The following NXPE4 variants were observed in gnomAD, a reference collection of about 807,000 sequenced individuals.
NXPE4 encodes the protein neurexophilin and PC-esterase domain family member 4, also known as NXPE family member 4.
In NXPE4, 42 loss-of-function variants were observed where a neutral mutation model predicts 33.3. The observed-to-expected ratio is 1.26, with a 90% CI of 0.98 to 1.63. The LOEUF is 1.63. NXPE4 is among the 40% of genes most tolerant of loss of function. The probability of loss-of-function intolerance (pLI) is 0.00; values close to 1 mark genes in which losing one functional copy is unlikely to be tolerated. For synonymous variants in NXPE4, 253 were observed against 234.9 expected (o/e 1.08, Z -0.71); for missense variants, 709 against 647.6 (o/e 1.09, Z -1.03).
chr11:114,614,973 C>T, the NXPE4 span, among the ~76,000 whole-genome samples: 2 of 150,568 alleles, frequency 1.3e-5, no homozygotes, highest in Admixed American at 1.3e-4. Flanking sequence ...TAAGTATTGC[C>T]TCGTGAGTAA....
Position 114,581,751 on chromosome 11 carries a change from T to C in NXPE4, c.866A>G (p.Asn289Ser), listed in dbSNP as rs1303813198. 1 of 1,611,916 alleles carries C rather than the reference T, an allele frequency of 6.2e-7. No individual in the cohort carries two copies. The highest frequency in any genetic ancestry group is 8.5e-7 in the Non-Finnish European group (1 of 1,179,034). ...GTTGCATTTGGAGACACTAATTGTA[T>C]TGAATTTTTCCATAATCTCTACACC... ...NVGVEIMEKF[N>S]TISVSKCNKE... The change falls in exon 4 of 6, where the codon AAT becomes AGT. Residue 289 changes from asparagine to serine, a missense_variant. Coordinates refer to ENST00000375478, the MANE Select transcript of NXPE4 (RefSeq NM_001077639.2).
the NXPE4 span, among the ~76,000 whole-genome samples, chr11:114,605,527 C>T: frequency 1.2e-4 from 18 of 150,896 alleles, no homozygotes; most frequent in South Asian, 4.2e-4. Context: ...CACAGTTACC[C>T]GGTGGATAAT....
chr11:114,616,854 T>G, the NXPE4 span, among the ~76,000 whole-genome samples: 4 of 151,780 alleles, frequency 2.6e-5, no homozygotes, highest in African/African-American at 9.7e-5. Flanking sequence ...TAATAAATAT[T>G]GCCTCATGGG....
chr11:114,605,605 T>A, the NXPE4 span, among the ~76,000 whole-genome samples: 2 of 152,048 alleles, frequency 1.3e-5, no homozygotes, highest in Admixed American at 1.3e-4. Context: ...TAACCACTGT[T>A]ACCCGGTGGA....
chr11:114,608,831 G>C, the NXPE4 span, among the ~76,000 whole-genome samples: 1 of 151,674 alleles, frequency 6.6e-6, no homozygotes, highest in South Asian at 2.1e-4. Context: ...ACTGTTACCT[G>C]GTGGATAATA....
chr11:114,609,561 C>T, the NXPE4 span, among the ~76,000 whole-genome samples: 1 of 151,800 alleles, frequency 6.6e-6, no homozygotes, highest in African/African-American at 2.4e-5. Flanking sequence ...TGAGTATTGC[C>T]TCCTGGGTAA....
chr11:114,643,204 G>T, the NXPE4 span, among the ~76,000 whole-genome samples: 48 of 152,128 alleles, frequency 3.2e-4, no homozygotes, highest in Non-Finnish European at 6.3e-4. Context: ...CATTCTGTAG[G>T]TTTCCTGTTC....
chr11:114,655,702 G>A, the NXPE4 span, among the ~76,000 whole-genome samples: 270 of 152,262 alleles, frequency 1.8e-3, 2 homozygotes, highest in Middle Eastern at 0.01. Flanking sequence ...TTTGGTAGCA[G>A]TACCATGCTG....
the NXPE4 span, among the ~76,000 whole-genome samples, chr11:114,602,428 G>A: frequency 1.5e-5 from 2 of 130,172 alleles, no homozygotes; most frequent in Non-Finnish European, 3.1e-5. Context: ...ATCAATAAAT[G>A]TAATTATAAT....
the NXPE4 span, among the ~76,000 whole-genome samples, chr11:114,640,156 A>G: frequency 3.3e-4 from 23 of 70,694 alleles, no homozygotes; most frequent in African/African-American, 1.5e-3. Context: ...ATGATATATT[A>G]ATAATATATA....
At chr11:114,601,786 CATGTG>C in the NXPE4 span, among the ~76,000 whole-genome samples, 2 of 56,054 alleles carry the variant, frequency 3.6e-5, no homozygotes, top group South Asian at 1.1e-3. Context: ...AATTATATAA[CATGTG>C]ATATATGATT....
chr11:114,594,464 G>T (rs944115249), intron 2 of NXPE4, among the ~76,000 whole-genome samples, 200 bp downstream of exon 2: 1 of 152,172 alleles, frequency 6.6e-6, no homozygotes, highest in African/African-American at 2.4e-5. Context: ...GACAAAGAAA[G>T]AATGTGTATG....
At chr11:114,674,035 A>T in the NXPE4 span, among the ~76,000 whole-genome samples, 1 of 151,774 alleles carries the variant, frequency 6.6e-6, no homozygotes, top group East Asian at 1.9e-4. Flanking sequence ...ATTAGTGGAG[A>T]TTAAAAATTT....
intron 5 of NXPE4, among the ~76,000 whole-genome samples, chr11:114,572,621 G>C (rs1327785830): frequency 6.6e-6 from 1 of 152,124 alleles, no homozygotes; most frequent in Admixed American, 6.5e-5. Flanking sequence ...AAGAACCTCA[G>C]AGCTAGAAGA....
At chr11:114,662,381 T>C in the NXPE4 span, among the ~76,000 whole-genome samples, 2 of 152,078 alleles carry the variant, frequency 1.3e-5, no homozygotes, top group Admixed American at 6.6e-5. Context: ...CCCATCCGGG[T>C]TGTTGGAACT....
At chr11:114,629,822 G>T in the NXPE4 span, among the ~76,000 whole-genome samples, 1 of 150,114 alleles carries the variant, frequency 6.7e-6, no homozygotes, top group Non-Finnish European at 1.5e-5. Context: ...CTTCAGCAAA[G>T]TCTCAGGATA....
chr11:114,594,626 T>C, intron 2 of NXPE4, 38 bp downstream of exon 2: 1 of 1,345,472 alleles, frequency 7.4e-7, no homozygotes. Flanking sequence ...TAAGCAAAAA[T>C]AAGCTTCTGT....
chr11:114,655,914 G>A, the NXPE4 span, among the ~76,000 whole-genome samples: 1 of 152,046 alleles, frequency 6.6e-6, no homozygotes, highest in Admixed American at 6.6e-5. Context: ...CATAGTTTTG[G>A]AACTTCTGGC....
the NXPE4 span, among the ~76,000 whole-genome samples, chr11:114,637,946 A>G: frequency 2.1e-4 from 32 of 151,444 alleles, no homozygotes; most frequent in South Asian, 1.7e-3. Flanking sequence ...TGTGTCTTGG[A>G]GTTGCTCTTC....
Sources: allele counts gnomAD v4.1 joint callset (sites outside exome capture counted in the v4.1 genomes callset), GRCh38; gene constraint gnomAD v4.1.1; transcripts MANE v1.5; gene names NCBI Gene and HGNC (gene_info 2026-07-23, HGNC 2026-07-21).